Variants in RAB22A observed in about 807,000 individuals in gnomAD.
RAB22A encodes the protein RAB22A, member RAS oncogene family.
RAB22A carries 13 observed loss-of-function variants against 30.2 expected under a neutral mutation model. The observed-to-expected ratio is 0.43, with a 90% CI of 0.28 to 0.68. The LOEUF (loss-of-function observed/expected upper bound fraction) is 0.68. RAB22A is among the 30% of genes least tolerant of loss of function. RAB22A has a pLI of 0.18. For missense variants in RAB22A, 177 were observed against 246.8 expected (o/e 0.72, Z 1.89); for synonymous variants, 89 against 87.2 (o/e 1.02, Z -0.11).
chr20:58,316,552 C>T (rs527751629), intron 2 of RAB22A, among the ~76,000 whole-genome samples: 1 of 152,272 alleles, frequency 6.6e-6, no homozygotes, highest in African/African-American at 2.4e-5. Context: ...AGGAGGCCCC[C>T]ATTAAAATCA....
intron 2 of RAB22A, 24 bp downstream of exon 2, chr20:58,311,146 C>T (rs750517607): frequency 2.6e-6 from 4 of 1,532,602 alleles, no homozygotes; most frequent in Admixed American, 1.7e-5. Context: ...ATTTGATACA[C>T]ATCTAAAGGT....
intron 6 of RAB22A, among the ~76,000 whole-genome samples, chr20:58,354,876 T>TCTACAGAG (rs1987107187): frequency 6.6e-6 from 1 of 152,254 alleles, no homozygotes; most frequent in Non-Finnish European, 1.5e-5. Context: ...CCTGCTCTCC[T>TCTACAGAG]GGAGCGCACA....
At chr20:58,355,392 ATTGT>A (rs1267023765) in intron 6 of RAB22A, among the ~76,000 whole-genome samples, 2 of 151,780 alleles carry the variant, frequency 1.3e-5, no homozygotes, top group Admixed American at 6.6e-5. Context: ...TACATGTCCC[ATTGT>A]TTAGATTTGG....
At chr20:58,347,868 A>G (rs573274066) in intron 3 of RAB22A, among the ~76,000 whole-genome samples, 2 of 152,350 alleles carry the variant, frequency 1.3e-5, no homozygotes, top group South Asian at 4.1e-4. Context: ...AAAAAACCTC[A>G]TAAATACACC....
At chr20:58,355,614 GT>G (rs914936826) in intron 6 of RAB22A, among the ~76,000 whole-genome samples, 12 of 152,196 alleles carry the variant, frequency 7.9e-5, no homozygotes, top group Admixed American at 2.0e-4. Flanking sequence ...GAGGTCAGGA[GT>G]TTAAGACCAC....
intron 2 of RAB22A, among the ~76,000 whole-genome samples, chr20:58,326,885 C>G (rs1986578562): frequency 6.6e-6 from 1 of 152,112 alleles, no homozygotes; most frequent in African/African-American, 2.4e-5. Flanking sequence ...AACATCCTTA[C>G]CTTTTCCCAA....
chr20:58,318,553 CT>C (rs34195658), intron 2 of RAB22A, among the ~76,000 whole-genome samples: 2,295 of 147,564 alleles, frequency 0.016, 25 homozygotes, highest in Non-Finnish European at 0.021. Flanking sequence ...AGAAACCCTT[CT>C]TTTTTTTTTT....
intron 2 of RAB22A, among the ~76,000 whole-genome samples, chr20:58,314,941 G>A (rs968473091): frequency 2.6e-5 from 4 of 152,124 alleles, no homozygotes; most frequent in African/African-American, 7.2e-5. Context: ...TGGGCATGAG[G>A]GACAGCAAGG....
At position 58,342,819 on chromosome 20, in the gene RAB22A, G is replaced by A. The variant is rs114495422; in HGVS notation, c.117-899G>A. 6.9e-3 allele frequency among the ~76,000 whole-genome samples: 1,053 copies of A among 152,222 alleles called. 10 individuals carry two copies. Among genetic ancestry groups the A allele is most frequent in the African/African-American group, 0.022 (904 of 41,538 alleles). ...CTGCCCTCTGGGTGAGGGGGGAATG[G>A]AAGGTAGTATTGGAGCTGGGCCCAA... is the stretch of plus-strand genomic sequence containing the variant. On this transcript the variant is annotated intron_variant, in intron 2 of 6. Transcript: ENST00000244040.
chr20:58,320,624 G>A lies in RAB22A; in HGVS notation c.116+9502G>A, dbSNP rs1306112088. ...TGAATTTCATGGATTTTGATATGTT[G>A]TGTTTTCATTTTCATTTAGTTGCCC... On this transcript the variant is annotated intron_variant, in intron 2 of 6. Transcript: ENST00000244040. Among the ~76,000 whole-genome samples the A allele has an allele frequency of 3.3e-5, 5 of 152,266 alleles. No homozygotes were observed. The East Asian group carries it at 9.6e-4, about 29-fold the overall frequency.
chr20:58,353,350 A>G lies in RAB22A; in HGVS notation c.270+6A>G. 1 of 1,613,016 alleles carries G rather than the reference A, an allele frequency of 6.2e-7. No individual in the cohort carries two copies. Among genetic ancestry groups the G allele is most frequent in the South Asian group, 1.1e-5 (1 of 90,980 alleles). On this transcript the variant is annotated splice_donor_region_variant and intron_variant, in intron 4 of 6. Coordinates refer to ENST00000244040, the MANE Select transcript of RAB22A (RefSeq NM_020673.3). ...TTTATGATATCACAAAAGAAGTAAG[A>G]CTATATAGTTTTCTTTAGATTGTTT...
At chr20:58,325,195 T>C (rs575114649) in intron 2 of RAB22A, among the ~76,000 whole-genome samples, 1 of 149,700 alleles carries the variant, frequency 6.7e-6, no homozygotes, top group East Asian at 2.0e-4. Flanking sequence ...AAAAAAACTT[T>C]AGGCTAGGCG....
chr20:58,310,217 C>T (rs1456228882), intron 1 of RAB22A, among the ~76,000 whole-genome samples: 3 of 152,134 alleles, frequency 2.0e-5, no homozygotes, highest in African/African-American at 7.2e-5. Flanking sequence ...GGACCCTTCC[C>T]CTTCCCCTCC....
chr20:58,314,126 G>A (rs147813838), intron 2 of RAB22A, among the ~76,000 whole-genome samples: 1,694 of 150,196 alleles, frequency 0.011, 14 homozygotes, highest in Non-Finnish European at 0.018. Flanking sequence ...TCGGCTCACT[G>A]CAACCTCTGC....
chr20:58,354,990 T>C (rs181986641), intron 6 of RAB22A, among the ~76,000 whole-genome samples: 1 of 152,346 alleles, frequency 6.6e-6, no homozygotes, highest in Admixed American at 6.5e-5. Context: ...AAGGAATGTC[T>C]GCAAGCAATT....
intron 2 of RAB22A, among the ~76,000 whole-genome samples, chr20:58,339,899 G>C (rs1986825608): frequency 6.6e-6 from 1 of 152,180 alleles, no homozygotes; most frequent in East Asian, 1.9e-4. Context: ...GCTCCTGCAG[G>C]ACTTCTGCCT....
intron 3 of RAB22A, among the ~76,000 whole-genome samples, chr20:58,350,287 A>G (rs942785538): frequency 6.6e-6 from 1 of 152,240 alleles, no homozygotes; most frequent in Non-Finnish European, 1.5e-5. Context: ...ATATGGACAG[A>G]GTCTCAGTAT....
chr20:58,355,408 C>T (rs1987114689), intron 6 of RAB22A, among the ~76,000 whole-genome samples: 1 of 152,066 alleles, frequency 6.6e-6, no homozygotes, highest in Non-Finnish European at 1.5e-5. Flanking sequence ...TAGATTTGGC[C>T]AATCATTTAA....
chr20:58,328,407 C>T (rs1324201167), intron 2 of RAB22A, among the ~76,000 whole-genome samples: 1 of 152,084 alleles, frequency 6.6e-6, no homozygotes, highest in East Asian at 1.9e-4. Context: ...TGGTCTCAAA[C>T]TCCTGGACTC....
Sources: allele counts gnomAD v4.1 joint callset (sites outside exome capture counted in the v4.1 genomes callset), GRCh38; gene constraint gnomAD v4.1.1; transcripts MANE v1.5; gene names NCBI Gene and HGNC (gene_info 2026-07-23, HGNC 2026-07-21).